Variants in NTRK2 observed in about 807,000 individuals in gnomAD.
NTRK2 encodes neurotrophic receptor tyrosine kinase 2.
In NTRK2, 13 loss-of-function variants were observed where a neutral mutation model predicts 94.5. That is an observed-to-expected ratio of 0.14 (90% CI 0.09 to 0.22). The LOEUF (loss-of-function observed/expected upper bound fraction) is 0.22. Among genes scored for constraint, NTRK2 ranks in the 10% least tolerant of loss-of-function variants. The probability of loss-of-function intolerance (pLI) is 1.00; values close to 1 mark genes in which losing one functional copy is unlikely to be tolerated. For synonymous variants in NTRK2, 372 were observed against 407.4 expected, an observed-to-expected ratio of 0.91 and a Z score of 1.05; for missense variants, 639 against 1,071.2, an observed-to-expected ratio of 0.60 and a Z score of 5.63.
chr9:84,747,571 G>T (rs923368544), intron 11 of NTRK2, among the ~76,000 whole-genome samples: 23 of 148,686 alleles, frequency 1.5e-4, no homozygotes, highest in African/African-American at 5.2e-4. Context: ...TCTGCCTGCC[G>T]GGTTCATGCC....
chr9:84,736,403 T>C (rs938152913), intron 9 of NTRK2, among the ~76,000 whole-genome samples: 1 of 152,234 alleles, frequency 6.6e-6, no homozygotes, highest in African/African-American at 2.4e-5. Context: ...CTGGATGAAC[T>C]AGAGCTCTCT....
intron 14 of NTRK2, among the ~76,000 whole-genome samples, chr9:84,919,386 T>C (rs1208479190): frequency 6.6e-6 from 1 of 152,218 alleles, no homozygotes; most frequent in Non-Finnish European, 1.5e-5. Flanking sequence ...ACTTTTTGCT[T>C]TCTTGATTCT....
chr9:84,773,882 C>T (rs1338986268), intron 12 of NTRK2, among the ~76,000 whole-genome samples: 1 of 152,166 alleles, frequency 6.6e-6, no homozygotes, highest in African/African-American at 2.4e-5. Context: ...TCTCTCAACT[C>T]CTCAACATGT....
intron 15 of NTRK2, among the ~76,000 whole-genome samples, chr9:84,939,779 A>G (rs2078341800): frequency 6.6e-6 from 1 of 152,110 alleles, no homozygotes; most frequent in Non-Finnish European, 1.5e-5. Flanking sequence ...AAACCTACCT[A>G]TGGGTATCCC....
chr9:84,968,062 A>G (rs1825761167), intron 17 of NTRK2, among the ~76,000 whole-genome samples: 1 of 152,196 alleles, frequency 6.6e-6, no homozygotes, highest in Admixed American at 6.5e-5. Flanking sequence ...GAAGACTGAC[A>G]TACCTGGCCT....
intron 13 of NTRK2, among the ~76,000 whole-genome samples, chr9:84,864,781 C>T (rs549663377): frequency 2.2e-5 from 3 of 133,432 alleles, no homozygotes; most frequent in South Asian, 5.2e-4. Context: ...CACTCTGTCA[C>T]CCAGGCTGGA....
intron 14 of NTRK2, among the ~76,000 whole-genome samples, chr9:84,879,846 G>A (rs1396993354): frequency 6.6e-6 from 1 of 152,142 alleles, no homozygotes; most frequent in Non-Finnish European, 1.5e-5. Context: ...GAAGGGTGAG[G>A]AGTGTCCACA....
chr9:84,677,271 A>C (rs1238825901), intron 2 of NTRK2, among the ~76,000 whole-genome samples: 1 of 152,088 alleles, frequency 6.6e-6, no homozygotes, highest in Non-Finnish European at 1.5e-5. Flanking sequence ...GAGAGTACTT[A>C]TTATTCCCCG....
intron 17 of NTRK2, among the ~76,000 whole-genome samples, chr9:84,964,466 G>A (rs369869097): frequency 2.6e-5 from 4 of 152,040 alleles, no homozygotes; most frequent in Admixed American, 6.5e-5. Flanking sequence ...TTTTTCCTTC[G>A]GCCATGAATA....
At chr9:84,881,863 C>T (rs978148796) in intron 14 of NTRK2, among the ~76,000 whole-genome samples, 9 of 152,164 alleles carry the variant, frequency 5.9e-5, no homozygotes, top group African/African-American at 1.9e-4. Context: ...ACTTGGGTTT[C>T]AGGTATGCTA....
intron 17 of NTRK2, among the ~76,000 whole-genome samples, chr9:85,007,658 A>G (rs1210309477): frequency 6.6e-6 from 1 of 152,190 alleles, no homozygotes; most frequent in Non-Finnish European, 1.5e-5. Flanking sequence ...ATCTTAGAGT[A>G]TTCCATAAGC....
intron 12 of NTRK2, among the ~76,000 whole-genome samples, chr9:84,757,004 A>G (rs974226353): frequency 6.6e-6 from 1 of 152,232 alleles, no homozygotes; most frequent in Non-Finnish European, 1.5e-5. Flanking sequence ...CTTTTATATG[A>G]GCTGAAAACA....
intron 14 of NTRK2, chr9:84,873,601 C>A: frequency 9.5e-7 from 1 of 1,052,556 alleles, no homozygotes; most frequent in Non-Finnish European, 1.1e-6. Flanking sequence ...AAAAAAGCAA[C>A]TTGAGTTTCT....
intron 17 of NTRK2, among the ~76,000 whole-genome samples, chr9:85,002,493 G>A (rs1588157550): frequency 6.6e-6 from 1 of 152,144 alleles, no homozygotes; most frequent in South Asian, 2.1e-4. Context: ...CACTCCAGGG[G>A]TAACCACTTT....
At chr9:84,811,854 T>C (rs566554067) in intron 12 of NTRK2, 1 of 1,065,162 alleles carries the variant, frequency 9.4e-7, no homozygotes, top group East Asian at 5.0e-5. Context: ...TTGTATGCTC[T>C]GTTCAGTCTG....
At chr9:84,724,852 T>G (rs1281623616) in intron 8 of NTRK2, among the ~76,000 whole-genome samples, 2 of 152,238 alleles carry the variant, frequency 1.3e-5, no homozygotes, top group African/African-American at 4.8e-5. Flanking sequence ...CCTACTTAAA[T>G]TACTGAAAAT....
intron 2 of NTRK2, among the ~76,000 whole-genome samples, chr9:84,687,127 C>T (rs756584286): frequency 7.2e-4 from 109 of 152,134 alleles, no homozygotes; most frequent in Middle Eastern, 6.8e-3. Flanking sequence ...TTGCTCAGGC[C>T]GGTCTTGAAC....
At chr9:84,744,887 A>G in intron 10 of NTRK2, 86 bp from the exon 11 acceptor site, 1 of 935,554 alleles carries the variant, frequency 1.1e-6, no homozygotes, top group Non-Finnish European at 1.8e-6. Context: ...GTCTTGCTTC[A>G]TTCTGGCTCT....
rs1472302110 is a variant in NTRK2, at chr9:84,888,990, T to C, written c.1633+21559T>C. ...ATTTATTAATGACAGAAATTTTTTT[T>C]TTTTTTTTTTTTTTTTTTGAGACGG... On this transcript the variant is annotated intron_variant, in intron 14 of 18. Coordinates refer to ENST00000277120, the MANE Select transcript of NTRK2 (RefSeq NM_006180.6). Among the ~76,000 whole-genome samples the C allele has an allele frequency of 1.7e-5, 2 of 118,442 alleles. 1 individual carries two copies. Among genetic ancestry groups the C allele is most frequent in the African/African-American group, 7.3e-5 (2 of 27,530 alleles). The allele number at this position is 118,442 out of a possible 152,430, so 77.7% of individuals were successfully genotyped here.
Sources: gnomAD v4.1 joint callset for allele counts (sites outside exome capture counted in the v4.1 genomes callset) on GRCh38, gnomAD v4.1.1 for gene constraint, MANE v1.5 for transcripts, NCBI Gene and HGNC (gene_info 2026-07-23, HGNC 2026-07-21) for gene names.